The following PDZRN4 variants were observed in gnomAD, a reference collection of about 807,000 sequenced individuals.
PDZRN4 encodes PDZ domain containing ring finger 4.
A neutral mutation model predicts 99.0 loss-of-function variants in PDZRN4; 70 were observed. The observed-to-expected ratio is 0.71, with a 90% CI of 0.58 to 0.86. The LOEUF (loss-of-function observed/expected upper bound fraction) is 0.86, where lower values mean the gene tolerates loss of function less well. Ranked by LOEUF, PDZRN4 falls within the 40% of genes least tolerant of loss-of-function variation. The probability of loss-of-function intolerance (pLI) is 0.00; values close to 1 mark genes in which losing one functional copy is unlikely to be tolerated. For missense variants in PDZRN4, 1,474 were observed against 1,331.2 expected (o/e 1.11, Z -1.67); for synonymous variants, 551 against 501.6 (o/e 1.10, Z -1.32).
chr12:41,249,164 G>A (rs1333250625), intron 3 of PDZRN4, among the ~76,000 whole-genome samples: 1 of 152,114 alleles, frequency 6.6e-6, no homozygotes, highest in Non-Finnish European at 1.5e-5. Flanking sequence ...GTTTCAAAAA[G>A]ATAATTATAA....
At chr12:41,394,561 G>A (rs57496074) in intron 3 of PDZRN4, among the ~76,000 whole-genome samples, 3,373 of 152,202 alleles carry the variant, frequency 0.022, 155 homozygotes, top group African/African-American at 0.075. Context: ...CTGGCTCGGG[G>A]TCACTCATGA....
chr12:41,554,360 C>T (rs1369991984), intron 6 of PDZRN4, among the ~76,000 whole-genome samples: 1 of 152,148 alleles, frequency 6.6e-6, no homozygotes, highest in Non-Finnish European at 1.5e-5. Context: ...TGGAGCTGCA[C>T]TTTTCAGGGA....
At chr12:41,369,778 G>T (rs552824827) in intron 3 of PDZRN4, among the ~76,000 whole-genome samples, 1 of 151,742 alleles carries the variant, frequency 6.6e-6, no homozygotes, top group African/African-American at 2.4e-5. Context: ...TTATTAAAAG[G>T]AATTATTGTC....
intron 3 of PDZRN4, among the ~76,000 whole-genome samples, chr12:41,475,816 T>C (rs1953037480): frequency 6.6e-6 from 1 of 152,204 alleles, no homozygotes; most frequent in African/African-American, 2.4e-5. Flanking sequence ...TATTTACAGA[T>C]CCCTTTCTAC....
chr12:41,233,072 C>A (rs1348611052), intron 3 of PDZRN4, among the ~76,000 whole-genome samples: 2 of 151,930 alleles, frequency 1.3e-5, no homozygotes, highest in Admixed American at 1.3e-4. Flanking sequence ...GTTACTGTAG[C>A]CTTGTAGTAT....
At chr12:41,550,047 G>A (rs1406250305) in intron 5 of PDZRN4, among the ~76,000 whole-genome samples, 1 of 152,200 alleles carries the variant, frequency 6.6e-6, no homozygotes, top group Non-Finnish European at 1.5e-5. Flanking sequence ...ACTTGGGTAA[G>A]TGCTTTGATT....
intron 3 of PDZRN4, among the ~76,000 whole-genome samples, chr12:41,438,822 C>A (rs1321071518): frequency 2.0e-5 from 3 of 152,170 alleles, no homozygotes; most frequent in Non-Finnish European, 2.9e-5. Context: ...GGAGTGTATG[C>A]TCAAGTTCGA....
chr12:41,571,919 T>G (rs1437263146), intron 9 of PDZRN4, among the ~76,000 whole-genome samples: 1 of 152,222 alleles, frequency 6.6e-6, no homozygotes, highest in African/African-American at 2.4e-5. Flanking sequence ...CCTCTGTACT[T>G]AAGGGGAAAA....
intron 3 of PDZRN4, among the ~76,000 whole-genome samples, chr12:41,210,131 T>A (rs1219853651): frequency 1.3e-5 from 2 of 152,152 alleles, no homozygotes; most frequent in African/African-American, 4.8e-5. Context: ...GTTTTCTGTC[T>A]GCATAAATGT....
chr12:41,469,809 A>G (rs950458909), intron 3 of PDZRN4, among the ~76,000 whole-genome samples: 10 of 152,190 alleles, frequency 6.6e-5, no homozygotes, highest in African/African-American at 2.4e-4. Context: ...GGGCACCTGT[A>G]GTCCCAGCTA....
intron 5 of PDZRN4, among the ~76,000 whole-genome samples, chr12:41,522,407 C>T (rs1001801599): frequency 6.6e-6 from 1 of 152,068 alleles, no homozygotes; most frequent in African/African-American, 2.4e-5. Context: ...AAATGATGAG[C>T]TTTTAGATTT....
intron 3 of PDZRN4, among the ~76,000 whole-genome samples, chr12:41,493,890 T>TA (rs907421278): frequency 1.6e-5 from 2 of 124,076 alleles, no homozygotes; most frequent in African/African-American, 6.4e-5. Context: ...TCACTTATAT[T>TA]AAAAAAATAA....
At chr12:41,225,475 T>A (rs1950987430) in intron 3 of PDZRN4, among the ~76,000 whole-genome samples, 2 of 152,162 alleles carry the variant, frequency 1.3e-5, no homozygotes, top group Non-Finnish European at 2.9e-5. Flanking sequence ...GTATTACTTT[T>A]AAACCAAACA....
At chr12:41,516,532 G>T (rs966167902) in intron 5 of PDZRN4, among the ~76,000 whole-genome samples, 1 of 152,006 alleles carries the variant, frequency 6.6e-6, no homozygotes, top group Admixed American at 6.6e-5. Flanking sequence ...TAGAGGAAAT[G>T]GATTTAAGTG....
chr12:41,450,149 C>T (rs1388022154), intron 3 of PDZRN4, among the ~76,000 whole-genome samples: 1 of 151,968 alleles, frequency 6.6e-6, no homozygotes, highest in Non-Finnish European at 1.5e-5. Context: ...AAAACCTAAC[C>T]CAATTTAATA....
rs150298475 is a variant in PDZRN4 at position 41,565,339 on chromosome 12, G to GA, written c.1467+1700dup. On this transcript the variant is annotated intron_variant, in intron 8 of 9. Transcript: ENST00000402685. ...ACTGGAAGGAAGCTAATTGCCTATA[G>GA]AAAAAAAAAACAGATTTCCAGAGAA... Among the ~76,000 whole-genome samples, 661 of 128,084 alleles carry GA rather than the reference G, an allele frequency of 5.2e-3. 4 individuals carry two copies. The highest frequency in any genetic ancestry group is 5.3e-3 in the Non-Finnish European group (313 of 59,410). 84.0% of individuals were successfully genotyped at this position (128,084 alleles called of 152,430 possible).
Position 41,341,982 on chromosome 12 carries a change from G to A in PDZRN4, c.843+147794G>A, listed in dbSNP as rs181477936. 2.9e-3 allele frequency among the ~76,000 whole-genome samples: 438 copies of A among 151,898 alleles called. 2 individuals carry two copies. The highest frequency in any genetic ancestry group is 9.7e-3 in the African/African-American group (402 of 41,492). On this transcript the variant is annotated intron_variant, in intron 3 of 9. Coordinates refer to ENST00000402685, the MANE Select transcript of PDZRN4 (RefSeq NM_001164595.2). ...AAGCTGCAGTAACCAAAACAGCATG[G>A]TACTGTCATAAAAACAAACATATAC... is the stretch of plus-strand genomic sequence containing the variant.
chr12:41,304,531 C>T (rs1167257498), intron 3 of PDZRN4, among the ~76,000 whole-genome samples: 1 of 152,136 alleles, frequency 6.6e-6, no homozygotes, highest in Non-Finnish European at 1.5e-5. Flanking sequence ...TGTACTTCAG[C>T]CTTTTGGAGG....
At chr12:41,512,093 T>C (rs1481673662) in intron 5 of PDZRN4, among the ~76,000 whole-genome samples, 1 of 152,054 alleles carries the variant, frequency 6.6e-6, no homozygotes, top group Non-Finnish European at 1.5e-5. Context: ...GAAAGAGATA[T>C]GCATTCCTCT....
Sources: gnomAD v4.1 joint callset for allele counts (sites outside exome capture counted in the v4.1 genomes callset) on GRCh38, gnomAD v4.1.1 for gene constraint, MANE v1.5 for transcripts, NCBI Gene and HGNC (gene_info 2026-07-23, HGNC 2026-07-21) for gene names.